The following MANBA variants were observed in gnomAD, a reference collection of about 807,000 sequenced individuals.
MANBA encodes the protein mannosidase beta, also known as beta-mannosidase.
A neutral mutation model predicts 111.1 loss-of-function variants in MANBA; 83 were observed. The observed-to-expected ratio is 0.75, with a 90% CI of 0.63 to 0.90. MANBA has a LOEUF of 0.90. Among genes scored for constraint, MANBA ranks in the 40% least tolerant of loss-of-function variants. The probability of loss-of-function intolerance (pLI) is 0.00; values close to 1 mark genes in which losing one functional copy is unlikely to be tolerated. For missense variants in MANBA, 1,036 were observed against 1,069.0 expected (o/e 0.97, Z 0.43); for synonymous variants, 370 against 378.7 (o/e 0.98, Z 0.27).
At chr4:102,634,514 C>T (rs908274527) in intron 16 of MANBA, among the ~76,000 whole-genome samples, 3 of 152,216 alleles carry the variant, frequency 2.0e-5, no homozygotes, top group South Asian at 2.1e-4. Context: ...GGTGATGACT[C>T]GAGCTTCCTC....
intron 1 of MANBA, chr4:102,751,950 C>A (rs1723818883): frequency 4.4e-6 from 3 of 689,174 alleles, no homozygotes; most frequent in Non-Finnish European, 8.3e-6. Flanking sequence ...CCCGACCGTG[C>A]TGCAGAGGTC....
chr4:102,672,888 A>T (rs1731554332), intron 8 of MANBA, among the ~76,000 whole-genome samples: 1 of 152,140 alleles, frequency 6.6e-6, no homozygotes, highest in South Asian at 2.1e-4. Flanking sequence ...CTTCCATGAA[A>T]CTGGTTATTG....
chr4:102,647,847 A>G (rs1431200876), intron 13 of MANBA, among the ~76,000 whole-genome samples: 1 of 152,144 alleles, frequency 6.6e-6, no homozygotes, highest in Non-Finnish European at 1.5e-5. Context: ...TTTAGTTTCT[A>G]TCATGGGGTT....
chr4:102,732,763 A>C (rs1032780042), intron 1 of MANBA, among the ~76,000 whole-genome samples: 4 of 152,228 alleles, frequency 2.6e-5, no homozygotes, highest in Non-Finnish European at 4.4e-5. Context: ...AACATGGAAC[A>C]CATATTTACA....
intron 5 of MANBA, among the ~76,000 whole-genome samples, chr4:102,693,969 G>C (rs1732596428): frequency 6.6e-6 from 1 of 152,088 alleles, no homozygotes; most frequent in East Asian, 1.9e-4. Flanking sequence ...TTTTAGCTCT[G>C]TCCTTTGAGC....
At chr4:102,690,471 G>A in intron 6 of MANBA, 125 bp downstream of exon 6, 1 of 903,488 alleles carries the variant, frequency 1.1e-6, no homozygotes, top group Non-Finnish European at 1.7e-6. Flanking sequence ...AAATAGAGAA[G>A]AAAATGACAA....
intron 5 of MANBA, among the ~76,000 whole-genome samples, chr4:102,704,027 G>A (rs1366127480): frequency 3.9e-5 from 6 of 152,004 alleles, no homozygotes; most frequent in Admixed American, 2.0e-4. Flanking sequence ...CCTGGGAGGT[G>A]GAGGTTGCAG....
intron 8 of MANBA, 37 bp from the exon 9 acceptor site, chr4:102,671,435 A>G (rs762478088): frequency 5.1e-6 from 6 of 1,187,988 alleles, no homozygotes; most frequent in Non-Finnish European, 7.4e-6. Flanking sequence ...CATAATTTGG[A>G]AAAAAAAAAC....
At chr4:102,748,369 A>T (rs985338718) in intron 1 of MANBA, among the ~76,000 whole-genome samples, 1 of 152,142 alleles carries the variant, frequency 6.6e-6, no homozygotes, top group Non-Finnish European at 1.5e-5. Flanking sequence ...TTTCTATTAC[A>T]TGTACTGATC....
chr4:102,674,169 G>A, intron 7 of MANBA, 99 bp from the exon 8 acceptor site: 1 of 851,686 alleles, frequency 1.2e-6, no homozygotes, highest in South Asian at 1.5e-5. Flanking sequence ...ACATTCAGTA[G>A]TTTAATGCTA....
chr4:102,756,105 C>T (rs560512111), intron 1 of MANBA, among the ~76,000 whole-genome samples: 1 of 152,262 alleles, frequency 6.6e-6, no homozygotes, highest in African/African-American at 2.4e-5. Context: ...ACCATTTGAC[C>T]CAGCCATCCC....
At chr4:102,722,744 C>A in intron 4 of MANBA, 127 bp downstream of exon 4, 2 of 920,932 alleles carry the variant, frequency 2.2e-6, no homozygotes, top group Middle Eastern at 2.5e-4. Flanking sequence ...ATTTTCAAAC[C>A]CCACTAAGGG....
intron 5 of MANBA, among the ~76,000 whole-genome samples, chr4:102,696,080 T>A (rs917147457): frequency 2.0e-5 from 3 of 151,918 alleles, no homozygotes; most frequent in Non-Finnish European, 4.4e-5. Flanking sequence ...ATTTTAAAAT[T>A]AGCTGGGTGT....
At chr4:102,664,042 G>T (rs10489110) in intron 11 of MANBA, among the ~76,000 whole-genome samples, 2,460 of 152,218 alleles carry the variant, frequency 0.016, 67 homozygotes, top group African/African-American at 0.054. Flanking sequence ...TAACACATAC[G>T]ATTACAGAAT....
intron 7 of MANBA, chr4:102,681,392 A>C (rs140640151): frequency 3.6e-4 from 55 of 152,262 alleles, no homozygotes; most frequent in African/African-American, 1.3e-3. Context: ...GCCACCCCCT[A>C]CTAAAGCATA....
intron 8 of MANBA, among the ~76,000 whole-genome samples, chr4:102,673,304 C>T (rs1262291805): frequency 6.6e-6 from 1 of 151,998 alleles, no homozygotes; most frequent in Non-Finnish European, 1.5e-5. Flanking sequence ...GTCAGGAGTT[C>T]AAGACCAGCC....
At chr4:102,729,533 G>C (rs1722949330) in intron 1 of MANBA, 1 of 886,592 alleles carries the variant, frequency 1.1e-6, no homozygotes, top group Non-Finnish European at 1.9e-6. Flanking sequence ...AGCCCTTCCA[G>C]GTGAGACTCC....
At position 102,755,918 on chromosome 4, in the gene MANBA, A is replaced by T. The variant is rs544656658; in HGVS notation, c.177+4800T>A. Among the ~76,000 whole-genome samples, 204 of 152,344 alleles carry T rather than the reference A, an allele frequency of 1.3e-3. No homozygotes were observed. In the Middle Eastern group the frequency reaches 0.017, roughly 13 times the overall value. ...TCAGAGAAATGCAAATCAAAACCAC[A>T]ATGAGATACCATCTCACACCAGTTA... On this transcript the variant is annotated intron_variant, in intron 1 of 16. Transcript: ENST00000647097.
At chr4:102,719,156 G>A (rs544954690) in intron 4 of MANBA, among the ~76,000 whole-genome samples, 18 of 152,220 alleles carry the variant, frequency 1.2e-4, no homozygotes, top group East Asian at 3.9e-4. Context: ...TATCTCAACC[G>A]CATAAGACAG....
Sources: allele counts gnomAD v4.1 joint callset (sites outside exome capture counted in the v4.1 genomes callset), GRCh38; gene constraint gnomAD v4.1.1; transcripts MANE v1.5; gene names NCBI Gene and HGNC (gene_info 2026-07-23, HGNC 2026-07-21).